The following CTNNA3 variants were observed in gnomAD, a reference collection of about 807,000 sequenced individuals.
CTNNA3 encodes catenin alpha-3.
Under a neutral mutation model 95.7 loss-of-function variants are expected in CTNNA3, and 76 were observed. The observed-to-expected ratio is 0.79, with a 90% CI of 0.66 to 0.96. CTNNA3 has a LOEUF of 0.96. Ranked by LOEUF, CTNNA3 falls within the 40% of genes least tolerant of loss-of-function variation. CTNNA3 has a pLI of 0.00. For missense variants in CTNNA3, 1,191 were observed against 1,089.8 expected, an observed-to-expected ratio of 1.09 and a Z score of -1.31; for synonymous variants, 431 against 374.4, an observed-to-expected ratio of 1.15 and a Z score of -1.74.
intron 15 of CTNNA3, among the ~76,000 whole-genome samples, chr10:66,049,704 A>T (rs1356689315): frequency 1.3e-5 from 2 of 152,212 alleles, no homozygotes; most frequent in Non-Finnish European, 2.9e-5. Flanking sequence ...AGAAAACCAA[A>T]TACCACATGT....
intron 11 of CTNNA3, among the ~76,000 whole-genome samples, chr10:66,408,124 G>A (rs2132585269): frequency 6.6e-6 from 1 of 152,186 alleles, no homozygotes; most frequent in Admixed American, 6.5e-5. Context: ...CCTACACATA[G>A]CTTCATCTGC....
At chr10:66,183,265 AC>A (rs1377031848) in intron 13 of CTNNA3, among the ~76,000 whole-genome samples, 1 of 152,206 alleles carries the variant, frequency 6.6e-6, no homozygotes, top group Non-Finnish European at 1.5e-5. Flanking sequence ...CAGTGGACAC[AC>A]CATGCCCATG....
upstream of CTNNA3, among the ~76,000 whole-genome samples, chr10:67,699,061 G>A (rs1841012202): frequency 1.3e-5 from 2 of 151,938 alleles, no homozygotes; most frequent in Non-Finnish European, 2.9e-5. Context: ...CTTACCAAAG[G>A]CTAATCTCTC....
chr10:66,308,631 C>T (rs1290578096), intron 12 of CTNNA3, among the ~76,000 whole-genome samples: 3 of 152,014 alleles, frequency 2.0e-5, no homozygotes, highest in African/African-American at 7.2e-5. Context: ...AAAATGTTTC[C>T]ATTCACATTT....
At chr10:65,995,151 C>T (rs889150587) in intron 15 of CTNNA3, among the ~76,000 whole-genome samples, 2 of 151,728 alleles carry the variant, frequency 1.3e-5, no homozygotes, top group East Asian at 3.9e-4. Flanking sequence ...TTCATCATTT[C>T]ATTAATTTCT....
chr10:65,934,705 A>C (rs1428681142), intron 17 of CTNNA3, among the ~76,000 whole-genome samples: 3 of 152,246 alleles, frequency 2.0e-5, no homozygotes, highest in East Asian at 1.9e-4. Context: ...ATACAAAAAT[A>C]TGGGCAGAGA....
intron 2 of CTNNA3, among the ~76,000 whole-genome samples, chr10:67,620,554 C>A (rs890840682): frequency 6.7e-6 from 1 of 149,348 alleles, no homozygotes; most frequent in Non-Finnish European, 1.5e-5. Context: ...TTCCAATTCC[C>A]AGTAGGTAGG....
At position 67,120,799 on chromosome 10, in the gene CTNNA3, G is replaced by A. The variant is rs1056920543; in HGVS notation, c.1047+59518C>T. 5.3e-5 allele frequency among the ~76,000 whole-genome samples: 8 copies of A among 151,984 alleles called. No individual in the cohort carries two copies. The East Asian group carries it at 5.8e-4, about 11-fold the overall frequency. ...GAAAAGTTATCCTGTTTTGTAATGCGTAAGTCTTTCCTAAACACAGAGACT... is the reference window on the plus strand; with the variant it reads ...GAAAAGTTATCCTGTTTTGTAATGCATAAGTCTTTCCTAAACACAGAGACT... On this transcript the variant is annotated intron_variant, in intron 7 of 17. Transcript: ENST00000433211.
At chr10:66,051,100 C>G (rs2079947980) in intron 15 of CTNNA3, among the ~76,000 whole-genome samples, 1 of 152,038 alleles carries the variant, frequency 6.6e-6, no homozygotes, top group African/African-American at 2.4e-5. Context: ...GGTCTTGAGC[C>G]CTTGGCCTCA....
intron 5 of CTNNA3, among the ~76,000 whole-genome samples, chr10:67,261,045 A>G (rs868821311): frequency 1.3e-5 from 2 of 152,306 alleles, no homozygotes; most frequent in African/African-American, 4.8e-5. Flanking sequence ...GTGCTCTGAT[A>G]GAAAGCCTCA....
intron 15 of CTNNA3, among the ~76,000 whole-genome samples, chr10:66,008,250 T>C (rs561070383): frequency 1.3e-5 from 2 of 152,348 alleles, no homozygotes; most frequent in African/African-American, 4.8e-5. Flanking sequence ...GAGGTTACTC[T>C]GAATATAATT....
chr10:66,642,060 CA>C (rs1845533899), intron 9 of CTNNA3, among the ~76,000 whole-genome samples: 1 of 151,994 alleles, frequency 6.6e-6, no homozygotes, highest in Admixed American at 6.6e-5. Context: ...AGTCACAATT[CA>C]ATGCCATGAT....
chr10:65,980,534 A>G (rs1564555523), intron 16 of CTNNA3, among the ~76,000 whole-genome samples: 2 of 151,544 alleles, frequency 1.3e-5, no homozygotes, highest in Admixed American at 6.6e-5. Flanking sequence ...AACAAAAAAA[A>G]AAAAGAAAAG....
intron 9 of CTNNA3, among the ~76,000 whole-genome samples, chr10:66,753,551 A>G (rs886112006): frequency 4.6e-5 from 7 of 151,624 alleles, no homozygotes; most frequent in Admixed American, 2.6e-4. Context: ...AATCCCAGCT[A>G]CTCGGGAGGC....
intron 16 of CTNNA3, among the ~76,000 whole-genome samples, chr10:65,982,570 A>G (rs2078341754): frequency 6.6e-6 from 1 of 151,274 alleles, no homozygotes; most frequent in Non-Finnish European, 1.5e-5. Flanking sequence ...TAGCAGCACA[A>G]TTTGCAATTG....
intron 11 of CTNNA3, among the ~76,000 whole-genome samples, chr10:66,497,676 GACA>G (rs2131954972): frequency 6.6e-6 from 1 of 152,102 alleles, no homozygotes; most frequent in East Asian, 1.9e-4. Context: ...TTGTATTTAA[GACA>G]ATAAAGATCA....
intron 7 of CTNNA3, among the ~76,000 whole-genome samples, chr10:66,855,612 C>G (rs766356865): frequency 6.6e-6 from 1 of 151,916 alleles, no homozygotes; most frequent in South Asian, 2.1e-4. Flanking sequence ...TGAATAATAT[C>G]ACTGACTCAT....
chr10:66,072,643 C>T (rs538732655), intron 14 of CTNNA3, among the ~76,000 whole-genome samples: 33 of 152,142 alleles, frequency 2.2e-4, no homozygotes, highest in African/African-American at 7.0e-4. Context: ...CGGGGTTTCA[C>T]CATTTTGGAC....
chr10:67,647,618 C>A, intron 1 of CTNNA3, 100 bp from the exon 2 acceptor site: 1 of 865,776 alleles, frequency 1.2e-6, no homozygotes, highest in South Asian at 1.6e-5. Flanking sequence ...GTATTCAGCA[C>A]CTCTTCCTGA....
Sources: allele counts gnomAD v4.1 joint callset (sites outside exome capture counted in the v4.1 genomes callset), GRCh38; gene constraint gnomAD v4.1.1; transcripts MANE v1.5; gene names NCBI Gene and HGNC (gene_info 2026-07-23, HGNC 2026-07-21).